The following USP13 variants were observed in gnomAD, a reference collection of about 807,000 sequenced individuals.
USP13 encodes the protein ubiquitin carboxyl-terminal hydrolase 13.
Under a neutral mutation model 107.8 loss-of-function variants are expected in USP13, and 68 were observed. The observed-to-expected ratio is 0.63, with a 90% CI of 0.52 to 0.77. USP13 has a LOEUF of 0.77. Ranked by LOEUF, USP13 falls within the 30% of genes least tolerant of loss-of-function variation. The probability of loss-of-function intolerance (pLI) is 0.00; values close to 1 mark genes in which losing one functional copy is unlikely to be tolerated. For synonymous variants in USP13, 377 were observed against 389.5 expected (o/e 0.97, Z 0.38); for missense variants, 945 against 1,093.3 (o/e 0.86, Z 1.91).
intron 1 of USP13, among the ~76,000 whole-genome samples, chr3:179,656,757 G>T (rs1720274422): frequency 6.6e-6 from 1 of 152,118 alleles, no homozygotes; most frequent in Admixed American, 6.5e-5. Context: ...AAGCATTCCT[G>T]TCTAACCCCC....
chr3:179,750,924 G>A (rs1015711439), intron 13 of USP13, among the ~76,000 whole-genome samples: 2 of 152,130 alleles, frequency 1.3e-5, no homozygotes, highest in African/African-American at 4.8e-5. Flanking sequence ...TCCCTGCGCT[G>A]TGCCTTTTCT....
intron 16 of USP13, among the ~76,000 whole-genome samples, chr3:179,757,840 TTAGA>T (rs1448304968): frequency 6.6e-6 from 1 of 152,186 alleles, no homozygotes; most frequent in Non-Finnish European, 1.5e-5. Flanking sequence ...AGAGGAGTAA[TTAGA>T]GTCAGCAAGG....
At chr3:179,685,086 C>T (rs1178234528) in intron 2 of USP13, among the ~76,000 whole-genome samples, 2 of 151,890 alleles carry the variant, frequency 1.3e-5, no homozygotes, top group South Asian at 2.1e-4. Context: ...TTTAACATAT[C>T]GTACCTCTTT....
intron 1 of USP13, among the ~76,000 whole-genome samples, chr3:179,667,329 TG>T (rs1720616279): frequency 1.3e-5 from 2 of 152,326 alleles, no homozygotes; most frequent in South Asian, 4.1e-4. Flanking sequence ...TGGGCTTTTA[TG>T]GGTTAGCCTG....
At chr3:179,667,814 AT>A (rs1457073167) in intron 1 of USP13, among the ~76,000 whole-genome samples, 3 of 152,130 alleles carry the variant, frequency 2.0e-5, no homozygotes, top group South Asian at 4.2e-4. Context: ...CACCTGGCTA[AT>A]TTTTATATTT....
At chr3:179,750,142 G>A (rs551343404) in intron 13 of USP13, among the ~76,000 whole-genome samples, 1 of 151,636 alleles carries the variant, frequency 6.6e-6, no homozygotes, top group African/African-American at 2.4e-5. Flanking sequence ...GCAGGCACCT[G>A]TAATCCCAGC....
At position 179,784,112 on chromosome 3, in the gene USP13, A is replaced by C; in HGVS notation, c.2563A>C (p.Met855Leu). Residue 855 changes from methionine to leucine, a missense_variant, in exon 21 of 21, where the codon ATG becomes CTG. By Grantham distance (15) the Met-to-Leu change is conservative. Transcript: ENST00000263966. Reference sequence around the variant, plus strand: ...AAGGCCCCCTAAAGACCTGGGCTACATGTACTTTTACCGCAGGATACCAAG... The same window carrying C: ...AAGGCCCCCTAAAGACCTGGGCTACCTGTACTTTTACCGCAGGATACCAAG... ...SERPPKDLGY[M>L]YFYRRIPS 3 of 1,613,168 alleles carry C rather than the reference A, an allele frequency of 1.9e-6. No homozygotes were observed. The highest frequency in any genetic ancestry group is 2.5e-6 in the Non-Finnish European group (3 of 1,179,740).
intron 19 of USP13, among the ~76,000 whole-genome samples, chr3:179,778,701 G>A (rs562456181): frequency 1.3e-5 from 2 of 152,276 alleles, no homozygotes; most frequent in Admixed American, 1.3e-4. Flanking sequence ...CGGAGGCGGA[G>A]GTTGCAGTGA....
intron 6 of USP13, among the ~76,000 whole-genome samples, chr3:179,717,632 A>G (rs1713154604): frequency 6.7e-6 from 1 of 148,874 alleles, no homozygotes; most frequent in African/African-American, 2.5e-5. Context: ...TCCCTAATTA[A>G]TAACAACTAA....
intron 3 of USP13, among the ~76,000 whole-genome samples, chr3:179,694,201 CGG>C (rs879038118): frequency 6.6e-6 from 1 of 152,232 alleles, no homozygotes; most frequent in South Asian, 2.1e-4. Context: ...TCTCAAACTC[CGG>C]GGCTCAAGTG....
chr3:179,655,565 TTG>T (rs1560036600), intron 1 of USP13, among the ~76,000 whole-genome samples: 22 of 141,718 alleles, frequency 1.6e-4, no homozygotes, highest in East Asian at 1.2e-3. Context: ...TTGTTTTGTT[TTG>T]TTTTTTTTTT....
chr3:179,672,661 TGACCTGCCTCCCAAAGTGA>T (rs1460143797), intron 1 of USP13, among the ~76,000 whole-genome samples: 1 of 152,192 alleles, frequency 6.6e-6, no homozygotes, highest in East Asian at 1.9e-4. Flanking sequence ...CTTGATCTCC[TGACCTGCCTCCCAAAGTGA>T]TGGGATTACA....
chr3:179,660,929 T>C (rs113127682), intron 1 of USP13, among the ~76,000 whole-genome samples: 5 of 152,252 alleles, frequency 3.3e-5, no homozygotes, highest in African/African-American at 1.2e-4. Flanking sequence ...TTGACCTCTT[T>C]ATACTCTTTA....
intron 19 of USP13, 51 bp downstream of exon 19, chr3:179,765,899 C>T: frequency 5.1e-6 from 8 of 1,572,704 alleles, no homozygotes; most frequent in South Asian, 4.8e-5. Context: ...ATACGTTCAG[C>T]TCATGCCCTT....
intron 13 of USP13, among the ~76,000 whole-genome samples, chr3:179,750,793 G>A: frequency 6.6e-6 from 1 of 152,200 alleles, no homozygotes; most frequent in Admixed American, 6.5e-5. Context: ...GACATGATTA[G>A]TAAGTCCATT....
At chr3:179,698,708 A>G (rs1481417245) in intron 3 of USP13, among the ~76,000 whole-genome samples, 2 of 151,904 alleles carry the variant, frequency 1.3e-5, no homozygotes, top group African/African-American at 4.8e-5. Flanking sequence ...CTCTATTTCC[A>G]TTTGTTTAGG....
chr3:179,750,019 C>T (rs1398160353), intron 13 of USP13, among the ~76,000 whole-genome samples: 2 of 152,074 alleles, frequency 1.3e-5, no homozygotes, highest in East Asian at 3.9e-4. Flanking sequence ...AATCCCAGCA[C>T]TTTGGGAGGC....
chr3:179,672,103 A>G (rs1461012899), intron 1 of USP13, among the ~76,000 whole-genome samples: 1 of 152,156 alleles, frequency 6.6e-6, no homozygotes, highest in East Asian at 1.9e-4. Context: ...CCGATTGACA[A>G]AGTAGTGTAT....
intron 1 of USP13, among the ~76,000 whole-genome samples, chr3:179,658,393 G>A (rs1030050790): frequency 1.3e-5 from 2 of 152,120 alleles, no homozygotes; most frequent in African/African-American, 4.8e-5. Flanking sequence ...GCCGCACAGC[G>A]GTTCTAGTCT....
Sources: allele counts gnomAD v4.1 joint callset (sites outside exome capture counted in the v4.1 genomes callset), GRCh38; gene constraint gnomAD v4.1.1; transcripts MANE v1.5; gene names NCBI Gene and HGNC (gene_info 2026-07-23, HGNC 2026-07-21).